Variants in COL23A1 observed in about 807,000 individuals in gnomAD.
COL23A1 encodes collagen type XXIII alpha 1 chain.
COL23A1 carries 97 observed loss-of-function variants against 99.3 expected under a neutral mutation model. The observed-to-expected ratio is 0.98, with a 90% CI of 0.83 to 1.16. The LOEUF is 1.16. COL23A1 is among the 50% of genes most tolerant of loss of function. The pLI is 0.00. For synonymous variants in COL23A1, 320 were observed against 308.2 expected (o/e 1.04, Z -0.40); for missense variants, 762 against 757.4 (o/e 1.01, Z -0.07).
intron 3 of COL23A1, among the ~76,000 whole-genome samples, chr5:178,297,980 A>G (rs1362168716): frequency 1.3e-5 from 2 of 152,228 alleles, no homozygotes; most frequent in African/African-American, 4.8e-5. Flanking sequence ...GGTCCACGCC[A>G]GCCAGGGGTT....
chr5:178,245,660 TCATC>T (rs1399616688), intron 25 of COL23A1, among the ~76,000 whole-genome samples: 1 of 151,982 alleles, frequency 6.6e-6, no homozygotes, highest in Non-Finnish European at 1.5e-5. Context: ...CATTATGCAT[TCATC>T]CATCCATCGA....
chr5:178,265,607 G>A, intron 8 of COL23A1: 3 of 910,192 alleles, frequency 3.3e-6, no homozygotes, highest in Non-Finnish European at 3.9e-6. Context: ...GTGAGTTGGG[G>A]GTAACACAGC....
At chr5:178,542,587 A>G (rs1761350330) in intron 2 of COL23A1, among the ~76,000 whole-genome samples, 1 of 152,138 alleles carries the variant, frequency 6.6e-6, no homozygotes, top group Non-Finnish European at 1.5e-5. Flanking sequence ...AGGCTCTTAC[A>G]TCGGAAAGGG....
intron 2 of COL23A1, among the ~76,000 whole-genome samples, chr5:178,378,643 T>C (rs1270904197): frequency 6.6e-6 from 1 of 152,046 alleles, no homozygotes. Context: ...TGATGGGATG[T>C]GGGGTGGGGC....
At chr5:178,352,238 G>T (rs1761371180) in intron 2 of COL23A1, 1 of 152,204 alleles carries the variant, frequency 6.6e-6, no homozygotes, top group African/African-American at 2.4e-5. Context: ...ACTGGATCAA[G>T]TTTGCAGAGC....
chr5:178,590,239 G>A lies in COL23A1; in HGVS notation c.-42C>T. 2 of 1,204,980 alleles carry A rather than the reference G, an allele frequency of 1.7e-6. No individual in the cohort carries two copies. Among genetic ancestry groups the A allele is most frequent in the East Asian group, 3.5e-5 (1 of 28,940 alleles). 74.6% of individuals were successfully genotyped at this position (1,204,980 alleles called of 1,614,324 possible). A position where few individuals can be genotyped will look rare whatever the true frequency, so the allele number is the denominator to read the frequency against. ...GTGGACTCTCCGAGGGGGCGGTGCT[G>A]CTGGGGCAGAGGCTGGGTGCGAGAG... is the stretch of plus-strand genomic sequence containing the variant. On this transcript the variant is annotated 5_prime_UTR_variant, in exon 1 of 29. Coordinates refer to ENST00000390654, the MANE Select transcript of COL23A1 (RefSeq NM_173465.4). This position sits in a 1 kb window ranked among gnomAD's most constrained non-coding sequence, Gnocchi z 5.7.
intron 2 of COL23A1, among the ~76,000 whole-genome samples, chr5:178,529,632 C>T (rs748276775): frequency 6.6e-6 from 1 of 152,264 alleles, no homozygotes; most frequent in Admixed American, 6.5e-5. Flanking sequence ...GAGGGACAGA[C>T]GGTCCCTCTG....
chr5:178,403,486 C>T (rs1229161994), intron 2 of COL23A1, among the ~76,000 whole-genome samples: 1 of 152,230 alleles, frequency 6.6e-6, no homozygotes, highest in Admixed American at 6.5e-5. Flanking sequence ...CTTCCTATTT[C>T]ATCGATGGTG....
chr5:178,540,518 A>G (rs764234178), intron 2 of COL23A1, among the ~76,000 whole-genome samples: 1 of 152,218 alleles, frequency 6.6e-6, no homozygotes, highest in Non-Finnish European at 1.5e-5. Context: ...AAAATTAAAG[A>G]AGACTCAAAT....
intron 2 of COL23A1, among the ~76,000 whole-genome samples, chr5:178,483,726 C>A (rs1027675566): frequency 1.3e-5 from 2 of 152,246 alleles, no homozygotes; most frequent in East Asian, 3.8e-4. Flanking sequence ...GTTTCTCCCT[C>A]CAGTATTAGG....
chr5:178,261,814 A>G, intron 10 of COL23A1, 66 bp from the exon 11 acceptor site: 2 of 1,338,256 alleles, frequency 1.5e-6, no homozygotes, highest in Non-Finnish European at 2.2e-6. Context: ...TGTCCTTCTT[A>G]GCATCCTGGC....
intron 2 of COL23A1, among the ~76,000 whole-genome samples, chr5:178,497,749 TAGG>T (rs1758271408): frequency 6.6e-6 from 1 of 152,052 alleles, no homozygotes; most frequent in Admixed American, 6.6e-5. Context: ...GTGAGTTAAA[TAGG>T]AGATTAGATA....
Position 178,589,954 on chromosome 5 carries a change from C to T in COL23A1, c.244G>A (p.Gly82Ser). 1 of 1,329,370 alleles carries T rather than the reference C, an allele frequency of 7.5e-7. No individual in the cohort carries two copies. The allele number at this position is 1,329,370 out of a possible 1,614,324, so 82.3% of individuals were successfully genotyped here. A position where few individuals can be genotyped will look rare whatever the true frequency, so the allele number is the denominator to read the frequency against. Reference protein sequence around the residue: ...RELLRRAGPPGALDAWAEPHL... With the variant: ...RELLRRAGPPSALDAWAEPHL... ...GGCTCGGCCCAGGCGTCCAGGGCGC[C>T]TGGCGGCCCCGCGCGCCGCAGCAGC... Residue 82 changes from glycine to serine, a missense_variant, in exon 1 of 29, where the codon GGC becomes AGC. By Grantham distance (56) the Gly-to-Ser change is moderately conservative (BLOSUM62 0). Transcript: ENST00000390654. This position sits in a 1 kb window ranked among gnomAD's most constrained non-coding sequence, Gnocchi z 5.4.
chr5:178,467,316 C>T (rs1406957816), intron 2 of COL23A1, among the ~76,000 whole-genome samples: 3 of 152,220 alleles, frequency 2.0e-5, no homozygotes, highest in Non-Finnish European at 4.4e-5. Context: ...TTCCCTGCCC[C>T]TGGTGGAGAC....
At chr5:178,539,075 G>A (rs970076538) in intron 2 of COL23A1, among the ~76,000 whole-genome samples, 10 of 152,210 alleles carry the variant, frequency 6.6e-5, no homozygotes, top group Admixed American at 1.3e-4. Context: ...CCTGTAGGAA[G>A]GGGCTTAGGG....
chr5:178,407,806 G>GAA (rs149045109), intron 2 of COL23A1, among the ~76,000 whole-genome samples: 2 of 151,440 alleles, frequency 1.3e-5, no homozygotes, highest in Admixed American at 6.6e-5. Context: ...ATAGACTAGG[G>GAA]AAAAAAAAGG....
rs573288897 is a variant in COL23A1, at chr5:178,448,488, T to C, written c.361+112194A>G. ...ACAGAATACCCGAGACTGGGTCATT[T>C]GTAAGGAACAGAAATTTATTTGGCT... On this transcript the variant is annotated intron_variant, in intron 2 of 28. Coordinates refer to ENST00000390654, the MANE Select transcript of COL23A1 (RefSeq NM_173465.4). 4.6e-5 allele frequency among the ~76,000 whole-genome samples: 7 copies of C among 152,316 alleles called. No individual in the cohort carries two copies. The East Asian group carries it at 1.2e-3, about 25-fold the overall frequency.
chr5:178,273,324 C>T (rs529610185), intron 5 of COL23A1, among the ~76,000 whole-genome samples: 2 of 152,346 alleles, frequency 1.3e-5, no homozygotes, highest in Admixed American at 6.5e-5. Context: ...CTGAGCTGGA[C>T]GCTGCCCTCT....
At chr5:178,287,835 CG>C (rs1156472085) in intron 5 of COL23A1, among the ~76,000 whole-genome samples, 2 of 152,208 alleles carry the variant, frequency 1.3e-5, no homozygotes, top group African/African-American at 4.8e-5. Flanking sequence ...CTCACTTGGC[CG>C]GGGCTAGGAC....
Sources: gnomAD v4.1 joint callset for allele counts (sites outside exome capture counted in the v4.1 genomes callset) on GRCh38, gnomAD v4.1.1 for gene constraint, Gnocchi (gnomAD v3.1) non-coding constraint, MANE v1.5 for transcripts, NCBI Gene and HGNC (gene_info 2026-07-23, HGNC 2026-07-21) for gene names.